Variants in TERF2 observed in about 807,000 individuals in gnomAD.
The protein encoded by TERF2 is telomeric repeat-binding factor 2.
Under a neutral mutation model 56.1 loss-of-function variants are expected in TERF2, and 16 were observed. The ratio of observed to expected loss-of-function variants is 0.29; its 90% CI spans 0.19 to 0.43. The LOEUF is 0.43. TERF2 is among the 20% of genes least tolerant of loss of function. TERF2 has a pLI of 1.00. For synonymous variants in TERF2, 296 were observed against 282.1 expected, an observed-to-expected ratio of 1.05 and a Z score of -0.50; for missense variants, 547 against 712.9, an observed-to-expected ratio of 0.77 and a Z score of 2.65.
chr16:69,364,542 G>C (rs1222693573), intron 7 of TERF2, among the ~76,000 whole-genome samples: 1 of 151,702 alleles, frequency 6.6e-6, no homozygotes, highest in East Asian at 1.9e-4. Context: ...GGCCCATCTA[G>C]CATGCAGACT....
intron 7 of TERF2, among the ~76,000 whole-genome samples, chr16:69,364,597 G>A (rs1161534804): frequency 6.6e-6 from 1 of 151,814 alleles, no homozygotes; most frequent in Non-Finnish European, 1.5e-5. Context: ...TCCTACCATA[G>A]GCTCCATGAC....
chr16:69,380,797 C>T (rs955531733), intron 3 of TERF2, among the ~76,000 whole-genome samples: 1 of 150,670 alleles, frequency 6.6e-6, no homozygotes, highest in African/African-American at 2.4e-5. Flanking sequence ...TTGACACATT[C>T]ATTAATTTTT....
chr16:69,379,853 G>A (rs939807067), intron 3 of TERF2, among the ~76,000 whole-genome samples: 1 of 152,092 alleles, frequency 6.6e-6, no homozygotes. Context: ...TAATATAGAC[G>A]ATAGCTGGAT....
intron 3 of TERF2, among the ~76,000 whole-genome samples, 179 bp downstream of exon 3, chr16:69,384,401 C>A (rs1268496693): frequency 6.6e-6 from 1 of 152,192 alleles, no homozygotes; most frequent in African/African-American, 2.4e-5. Context: ...CATTACTTCC[C>A]AAGCCTGGGT....
chr16:69,385,882 G>A lies in TERF2; in HGVS notation c.90C>T (p.Gly30=). ...PAASQPRKRP[G]REGGEGARRS... is the part of the protein sequence containing the mutation. ...GCCGCGCGCCCTCCCCGCCCTCCCG[G>A]CCGGGCCGCTTCCTCGGCTGTGACG... is the stretch of plus-strand genomic sequence containing the variant. The change falls in exon 1 of 10, where the codon GGC becomes GGT. Residue 30 remains glycine, a synonymous_variant. Coordinates refer to ENST00000254942, the MANE Select transcript of TERF2 (RefSeq NM_005652.5). 7.3e-7 allele frequency: 1 copy of A among 1,372,616 alleles called. No individual in the cohort carries two copies. 85.0% of individuals were successfully genotyped at this position (1,372,616 alleles called of 1,614,324 possible). A position where few individuals can be genotyped will look rare whatever the true frequency, so the allele number is the denominator to read the frequency against.
At chr16:69,383,129 T>C (rs1038709777) in intron 3 of TERF2, among the ~76,000 whole-genome samples, 1 of 152,196 alleles carries the variant, frequency 6.6e-6, no homozygotes, top group Admixed American at 6.5e-5. Flanking sequence ...AGGGGCCAGA[T>C]GGCAAATCTA....
intron 8 of TERF2, 126 bp downstream of exon 8, chr16:69,361,278 G>T: frequency 4.3e-6 from 3 of 694,470 alleles, no homozygotes; most frequent in Non-Finnish European, 7.6e-6. Context: ...ATTAAAATGA[G>T]ATCGGGAACT....
At chr16:69,381,663 TAG>T (rs1437914702) in intron 3 of TERF2, among the ~76,000 whole-genome samples, 1 of 152,002 alleles carries the variant, frequency 6.6e-6, no homozygotes, top group African/African-American at 2.4e-5. Flanking sequence ...TGTATTTTTG[TAG>T]AGACAGGGTT....
intron 8 of TERF2, among the ~76,000 whole-genome samples, chr16:69,360,216 G>A (rs1338921242): frequency 1.3e-5 from 2 of 151,620 alleles, no homozygotes; most frequent in African/African-American, 4.8e-5. Context: ...GTGAAAACCC[G>A]ACTACTAAAA....
At chr16:69,375,472 G>C (rs577255524) in intron 3 of TERF2, among the ~76,000 whole-genome samples, 1 of 152,208 alleles carries the variant, frequency 6.6e-6, no homozygotes, top group Admixed American at 6.5e-5. Context: ...GCCAAGGTAG[G>C]AGGATCACTT....
At chr16:69,382,974 C>T (rs2014059063) in intron 3 of TERF2, among the ~76,000 whole-genome samples, 1 of 152,048 alleles carries the variant, frequency 6.6e-6, no homozygotes, top group African/African-American at 2.4e-5. Flanking sequence ...ACAGAGTCAA[C>T]GTAAGAAAAT....
chr16:69,357,850 T>C (rs1038509964), intron 8 of TERF2, among the ~76,000 whole-genome samples: 4 of 148,686 alleles, frequency 2.7e-5, no homozygotes, highest in East Asian at 1.9e-4. Context: ...CGTTTTCTTT[T>C]TTTTTTTTTT....
At position 69,368,470 on chromosome 16, in the gene TERF2, C is replaced by A. The variant is rs369942817; in HGVS notation, c.853G>T (p.Ala285Ser). The A allele has an allele frequency of 1.9e-6, 3 of 1,614,072 alleles. 1 individual carries two copies. The South Asian group carries it at 3.3e-5, about 18-fold the overall frequency. ...GAGGCAGCGGACTCAGATTTCAAAG[C>A]CTTTTTGGCCATCTGGGAAAGGAAG... is the stretch of plus-strand genomic sequence containing the variant. ...EPYLLTMAKK[A>S]LKSESAASST... The change falls in exon 6 of 10, where the codon GCT becomes TCT. Residue 285 changes from alanine to serine, a missense_variant. Transcript: ENST00000254942.
chr16:69,363,167 TTAA>T (rs1269042997), intron 7 of TERF2, among the ~76,000 whole-genome samples: 2 of 152,202 alleles, frequency 1.3e-5, no homozygotes, highest in Non-Finnish European at 2.9e-5. Context: ...TATTCTTGTG[TTAA>T]TGACTATTCA....
At chr16:69,379,413 G>A (rs369240843) in intron 3 of TERF2, among the ~76,000 whole-genome samples, 2 of 152,212 alleles carry the variant, frequency 1.3e-5, no homozygotes, top group East Asian at 3.8e-4. Context: ...ATAGTAAAAA[G>A]CAACATATAA....
intron 2 of TERF2, 94 bp downstream of exon 2, chr16:69,385,297 G>A: frequency 9.3e-6 from 10 of 1,075,096 alleles, no homozygotes; most frequent in Non-Finnish European, 1.4e-5. Context: ...GGAAACTATC[G>A]CACTTTAACC....
chr16:69,385,335 T>C (rs2014154033), intron 2 of TERF2, 56 bp downstream of exon 2: 1 of 1,487,044 alleles, frequency 6.7e-7, no homozygotes, highest in African/African-American at 1.4e-5. Flanking sequence ...AGATATAAGT[T>C]TTAAAACAAA....
chr16:69,362,750 G>T (rs909432142), intron 7 of TERF2, among the ~76,000 whole-genome samples: 2 of 152,184 alleles, frequency 1.3e-5, no homozygotes, highest in Non-Finnish European at 2.9e-5. Flanking sequence ...ACAGAGCAAA[G>T]CACAGATCTG....
rs1259038512 is a variant in TERF2 at position 69,384,592 on chromosome 16, C to T, written c.594G>A (p.Leu198=). 6.2e-7 allele frequency: 1 copy of T among 1,612,678 alleles called. No individual in the cohort carries two copies. The highest frequency in any genetic ancestry group is 1.3e-5 in the African/African-American group (1 of 74,762). The change falls in exon 3 of 10, where the codon CTG becomes CTA. Residue 198 remains leucine, a synonymous_variant. Transcript: ENST00000254942. ...TEAVVESSRK[L]VKEAAVIICI... is the part of the protein sequence containing the mutation. ...AATAGAGCCTTACAGCTTCCTTGAC[C>T]AGTTTTCTACTGGATTCGACCACTG...
Sources: gnomAD v4.1 joint callset for allele counts (sites outside exome capture counted in the v4.1 genomes callset) on GRCh38, gnomAD v4.1.1 for gene constraint, MANE v1.5 for transcripts, NCBI Gene and HGNC (gene_info 2026-07-23, HGNC 2026-07-21) for gene names.